CLVS1: variants seen among roughly 807,000 people sequenced by gnomAD.
CLVS1 encodes the protein clavesin-1.
CLVS1 carries 10 observed loss-of-function variants against 33.1 expected under a neutral mutation model. The ratio of observed to expected loss-of-function variants is 0.30; its 90% CI spans 0.19 to 0.51. The LOEUF (loss-of-function observed/expected upper bound fraction) is 0.51. Ranked by LOEUF, CLVS1 falls within the 20% of genes least tolerant of loss-of-function variation. CLVS1 has a pLI of 0.97. For synonymous variants in CLVS1, 163 were observed against 166.1 expected (o/e 0.98, Z 0.14); for missense variants, 343 against 433.4 (o/e 0.79, Z 1.85).
At chr8:61,447,622 C>T (rs554030767) in intron 3 of CLVS1, among the ~76,000 whole-genome samples, 1 of 151,998 alleles carries the variant, frequency 6.6e-6, no homozygotes, top group Admixed American at 6.6e-5. Flanking sequence ...TGTCATTTCA[C>T]CAGTTCAAGT....
the CLVS1 span, chr8:60,966,478 T>C: frequency 4.6e-6 from 2 of 434,612 alleles, 1 homozygote. Flanking sequence ...AGGTAAATTA[T>C]AGCCAAATTA....
intron 1 of CLVS1, among the ~76,000 whole-genome samples, chr8:61,126,117 T>G (rs1805963881): frequency 6.6e-6 from 1 of 152,208 alleles, no homozygotes; most frequent in Admixed American, 6.5e-5. Context: ...AGGTATGCCC[T>G]GCCACTCTTG....
intron 2 of CLVS1, among the ~76,000 whole-genome samples, chr8:61,273,658 G>A (rs537374345): frequency 8.9e-4 from 136 of 152,316 alleles, no homozygotes; most frequent in Middle Eastern, 3.4e-3. Context: ...GTGGGCGTAG[G>A]ACCCTCCGAG....
chr8:61,034,940 A>G, the CLVS1 span, among the ~76,000 whole-genome samples: 1 of 152,180 alleles, frequency 6.6e-6, no homozygotes, highest in African/African-American at 2.4e-5. Flanking sequence ...TCTCAGATTC[A>G]CAACTGGGGC....
At chr8:61,056,185 C>T (rs1413974159), upstream of CLVS1, among the ~76,000 whole-genome samples, 1 of 152,212 alleles carries the variant, frequency 6.6e-6, no homozygotes, top group Non-Finnish European at 1.5e-5. Flanking sequence ...GTTTCTGCCT[C>T]CTGTGGCCAT....
intron 3 of CLVS1, among the ~76,000 whole-genome samples, chr8:61,400,510 T>C (rs1814707290): frequency 1.3e-5 from 2 of 152,332 alleles, no homozygotes; most frequent in Admixed American, 1.3e-4. Flanking sequence ...TCTTCCTGTT[T>C]GAATATGCTT....
At chr8:61,326,049 T>TTAGAGATTTCCCCAGCCCA (rs1423636946) in intron 2 of CLVS1, among the ~76,000 whole-genome samples, 1 of 152,168 alleles carries the variant, frequency 6.6e-6, no homozygotes, top group Non-Finnish European at 1.5e-5. Context: ...TTCCCCAGCC[T>TTAGAGATTTCCCCAGCCCA]TAGAGATTTC....
intron 2 of CLVS1, among the ~76,000 whole-genome samples, chr8:61,212,859 T>C (rs1808001158): frequency 6.6e-6 from 1 of 152,100 alleles, no homozygotes; most frequent in African/African-American, 2.4e-5. Flanking sequence ...GTGTATGTAG[T>C]GGTGCCTGAC....
At chr8:61,107,127 C>A (rs1175777789) in intron 1 of CLVS1, among the ~76,000 whole-genome samples, 1 of 152,184 alleles carries the variant, frequency 6.6e-6, no homozygotes, top group Non-Finnish European at 1.5e-5. Flanking sequence ...ACTGAGAAAG[C>A]AGACTTGACA....
chr8:61,417,982 C>A (rs966502038), intron 3 of CLVS1, among the ~76,000 whole-genome samples: 24 of 152,168 alleles, frequency 1.6e-4, no homozygotes, highest in Non-Finnish European at 2.9e-4. Context: ...GGTACACTGC[C>A]CTAAATCCTA....
At chr8:61,271,249 T>C (rs58224893) in intron 2 of CLVS1, among the ~76,000 whole-genome samples, 39,673 of 149,428 alleles carry the variant, frequency 0.27, 7,591 homozygotes, top group East Asian at 0.85. Context: ...AACATCTTTA[T>C]TTCTGCCTTC....
intron 1 of CLVS1, among the ~76,000 whole-genome samples, chr8:61,076,837 C>A (rs1198622043): frequency 6.6e-6 from 1 of 152,142 alleles, no homozygotes; most frequent in Non-Finnish European, 1.5e-5. Flanking sequence ...AGTCCCTACA[C>A]CAAAGGCCAG....
At chr8:61,314,223 T>G (rs915539632) in intron 2 of CLVS1, among the ~76,000 whole-genome samples, 9 of 152,180 alleles carry the variant, frequency 5.9e-5, no homozygotes, top group Admixed American at 5.9e-4. Flanking sequence ...TAGATTCTGG[T>G]GAATCTCATG....
At chr8:61,366,747 A>G (rs548837786) in intron 2 of CLVS1, among the ~76,000 whole-genome samples, 4 of 152,346 alleles carry the variant, frequency 2.6e-5, no homozygotes, top group African/African-American at 9.6e-5. Context: ...CTGATGGTCT[A>G]GACTAGCAGT....
At chr8:61,121,451 G>C (rs1805869855) in intron 1 of CLVS1, among the ~76,000 whole-genome samples, 1 of 151,874 alleles carries the variant, frequency 6.6e-6, no homozygotes, top group African/African-American at 2.4e-5. Flanking sequence ...GTGTGTGTTT[G>C]TGTGTGTGTG....
intron 5 of CLVS1, among the ~76,000 whole-genome samples, chr8:61,473,341 T>TAA (rs58281654): frequency 3.0e-4 from 29 of 96,176 alleles, no homozygotes; most frequent in African/African-American, 6.4e-4. Context: ...TCACGGAATT[T>TAA]AAAAAAAAAA....
chr8:61,479,936 C>T (rs959069651), intron 5 of CLVS1, among the ~76,000 whole-genome samples: 2 of 152,202 alleles, frequency 1.3e-5, no homozygotes, highest in Non-Finnish European at 2.9e-5. Flanking sequence ...CTGATCATTC[C>T]CCTGGAAGTT....
At chr8:61,169,492 C>G (rs1806948464) in intron 2 of CLVS1, among the ~76,000 whole-genome samples, 1 of 152,178 alleles carries the variant, frequency 6.6e-6, no homozygotes, top group African/African-American at 2.4e-5. Flanking sequence ...TGTGCTCAGA[C>G]AGGCTGTTCA....
intron 2 of CLVS1, among the ~76,000 whole-genome samples, chr8:61,261,962 A>T (rs1809210299): frequency 6.8e-6 from 1 of 146,670 alleles, no homozygotes; most frequent in South Asian, 2.2e-4. Context: ...TTTGGCAGCA[A>T]TTCTCATTGC....
Sources: gnomAD v4.1 joint callset for allele counts (sites outside exome capture counted in the v4.1 genomes callset) on GRCh38, gnomAD v4.1.1 for gene constraint, MANE v1.5 for transcripts, NCBI Gene and HGNC (gene_info 2026-07-23, HGNC 2026-07-21) for gene names.